PRSS35: variants seen among roughly 807,000 people sequenced by gnomAD.
PRSS35 encodes inactive serine protease 35.
In PRSS35, 7 loss-of-function variants were observed where a neutral mutation model predicts 8.1. That is an observed-to-expected ratio of 0.86 (90% confidence interval 0.49 to 1.62). The LOEUF (loss-of-function observed/expected upper bound fraction) is 1.62, where lower values mean the gene tolerates loss of function less well. PRSS35 is among the 40% of genes most tolerant of loss of function. The pLI is 0.00. For missense variants in PRSS35, 566 were observed against 518.0 expected (o/e 1.09, Z -0.90); for synonymous variants, 199 against 188.7 (o/e 1.05, Z -0.45).
At chr6:83,512,984 A>G (rs1432089974) in intron 1 of PRSS35, among the ~76,000 whole-genome samples, 3 of 152,190 alleles carry the variant, frequency 2.0e-5, no homozygotes, top group Non-Finnish European at 2.9e-5. Flanking sequence ...ATGATTGTTA[A>G]CAGATGCCAT....
In PRSS35 at chr6:83,523,669, T is replaced by G; in HGVS notation, c.228T>G (p.Ser76=). 1 of 1,614,184 alleles carries G rather than the reference T, an allele frequency of 6.2e-7. No individual in the cohort carries two copies. Among genetic ancestry groups the G allele is most frequent in the Non-Finnish European group, 8.5e-7 (1 of 1,180,020 alleles). The change falls in exon 2 of 2, where the codon TCT becomes TCG. Residue 76 remains serine (S), a synonymous_variant. Coordinates refer to ENST00000369700, the MANE Select transcript of PRSS35 (RefSeq NM_153362.3). The part of the protein sequence containing the change: ...CQKELPTPSL[S]ELEDYLSYET... ...AAGAACTCCCAACTCCCAGCCTTTC[T>G]GAATTGGAGGATTATCTTTCCTATG...
chr6:83,520,419 C>T (rs758312625), intron 1 of PRSS35, among the ~76,000 whole-genome samples: 11 of 152,158 alleles, frequency 7.2e-5, no homozygotes, highest in Non-Finnish European at 1.2e-4. Context: ...GGGGCAGGCC[C>T]TGAGAATTAG....
intron 1 of PRSS35, among the ~76,000 whole-genome samples, chr6:83,522,171 C>T (rs1251951869): frequency 6.6e-6 from 1 of 152,126 alleles, no homozygotes; most frequent in Admixed American, 6.5e-5. Flanking sequence ...TAGGGATAAG[C>T]GAATGCTGCA....
chr6:83,524,517 A>G lies in PRSS35; in HGVS notation c.1076A>G (p.Lys359Arg), dbSNP rs1173544925. The change falls in exon 2 of 2, where the codon AAA becomes AGA. Residue 359 changes from lysine (K) to arginine (R), a missense_variant. Lys to Arg is a conservative substitution (Grantham distance 26). Coordinates refer to ENST00000369700, the MANE Select transcript of PRSS35 (RefSeq NM_153362.3). The part of the protein sequence containing the change: ...GVYLRLKDPD[K>R]KNWKRKIIAV... ...TATCTGCGTCTGAAAGATCCAGACA[A>G]AAAGAATTGGAAGCGCAAAATCATT... is the stretch of plus-strand genomic sequence containing the variant. The G allele has an allele frequency of 6.2e-7, 1 of 1,614,198 alleles. No homozygotes were observed. Among genetic ancestry groups the G allele is most frequent in the Non-Finnish European group, 8.5e-7 (1 of 1,180,040 alleles).
In PRSS35 at chr6:83,523,718, C is replaced by A. The variant is rs182508722; in HGVS notation, c.277C>A (p.Arg93=). The A allele has an allele frequency of 9.2e-5, 148 of 1,614,082 alleles. No individual in the cohort carries two copies. Among genetic ancestry groups the A allele is most frequent in the Non-Finnish European group, 3.6e-5 (43 of 1,180,026 alleles). ...SYETVFENGT[R]TLTRVKVQDL... Reference sequence around the variant, plus strand: ...TGAGACTGTCTTTGAGAATGGCACCCGAACCTTAACCAGGGTGAAAGTTCA... The same window carrying A: ...TGAGACTGTCTTTGAGAATGGCACCAGAACCTTAACCAGGGTGAAAGTTCA... Residue 93 remains arginine (R), a synonymous_variant, in exon 2 of 2, where the codon CGA becomes AGA. Coordinates refer to ENST00000369700, the MANE Select transcript of PRSS35 (RefSeq NM_153362.3).
chr6:83,513,729 C>A (rs1583456380), intron 1 of PRSS35, among the ~76,000 whole-genome samples: 1 of 151,954 alleles, frequency 6.6e-6, no homozygotes, highest in Admixed American at 6.6e-5. Flanking sequence ...CCCCATTTTT[C>A]TTCCAGATAG....
intron 1 of PRSS35, among the ~76,000 whole-genome samples, chr6:83,518,831 C>T (rs768806330): frequency 1.3e-5 from 2 of 152,116 alleles, no homozygotes; most frequent in African/African-American, 2.4e-5. Flanking sequence ...TAATTCTTTG[C>T]GTGTATCATC....
At chr6:83,520,224 C>G (rs930657593) in intron 1 of PRSS35, among the ~76,000 whole-genome samples, 3 of 152,098 alleles carry the variant, frequency 2.0e-5, no homozygotes, top group African/African-American at 4.8e-5. Context: ...ATTTAAAACC[C>G]GGGTAAGCCA....
At chr6:83,518,813 C>T (rs1373023406) in intron 1 of PRSS35, among the ~76,000 whole-genome samples, 1 of 152,142 alleles carries the variant, frequency 6.6e-6, no homozygotes, top group African/African-American at 2.4e-5. Flanking sequence ...ATCCTCTGGG[C>T]TCAGTAGTAA....
chr6:83,522,898 C>T (rs2127713796), intron 1 of PRSS35, among the ~76,000 whole-genome samples: 1 of 152,314 alleles, frequency 6.6e-6, no homozygotes, highest in Non-Finnish European at 1.5e-5. Context: ...GGTTCATGGA[C>T]ATTCACTGTA....
intron 1 of PRSS35, among the ~76,000 whole-genome samples, chr6:83,518,113 TAGAC>T (rs1771756382): frequency 6.6e-6 from 1 of 152,218 alleles, no homozygotes; most frequent in Non-Finnish European, 1.5e-5. Flanking sequence ...TGCTTTCTCA[TAGAC>T]AGGAAAAATA....
At chr6:83,522,437 G>A (rs567678967) in intron 1 of PRSS35, among the ~76,000 whole-genome samples, 2 of 152,266 alleles carry the variant, frequency 1.3e-5, no homozygotes, top group Admixed American at 6.5e-5. Flanking sequence ...AATAGTAGGA[G>A]AGGTATTATA....
chr6:83,518,695 T>A (rs1771767371), intron 1 of PRSS35, among the ~76,000 whole-genome samples: 1 of 152,206 alleles, frequency 6.6e-6, no homozygotes. Flanking sequence ...TTTAGAAAAC[T>A]ACAAGATCTC....
rs745341301 is a variant in PRSS35 at position 83,524,406 on chromosome 6, A to G, written c.965A>G (p.Tyr322Cys). 2.3e-5 allele frequency: 37 copies of G among 1,614,062 alleles called. No homozygotes were observed. Among genetic ancestry groups the G allele is most frequent in the South Asian group, 3.3e-5 (3 of 91,082 alleles). Reference protein sequence around the residue: ...FDNDRADQLVYRFCSVSDESN... With the variant: ...FDNDRADQLVCRFCSVSDESN... ...AACGATAGGGCTGATCAGTTGGTCT[A>G]TCGGTTTTGCAGTGTGTCCGACGAA... The change falls in exon 2 of 2, where the codon TAT (tyrosine) becomes TGT (cysteine). Residue 322 changes from tyrosine (Y) to cysteine (C), a missense_variant. Physicochemically the swap from Tyr to Cys is radical, Grantham distance 194. Transcript: ENST00000369700.
chr6:83,523,806 G>A lies in PRSS35; in HGVS notation c.365G>A (p.Arg122Lys), dbSNP rs1771870782. 6.2e-7 allele frequency: 1 copy of A among 1,614,216 alleles called. No individual in the cohort carries two copies. The highest frequency in any genetic ancestry group is 8.5e-7 in the Non-Finnish European group (1 of 1,180,048). ...AAGGGAGTATCTGTTAGGAGAAAGA[G>A]ACAGGTGTATGGCACCGACAGCAGG... is the stretch of plus-strand genomic sequence containing the variant. Reference protein sequence around the residue: ...TTKGVSVRRKRQVYGTDSRFS... With the variant: ...TTKGVSVRRKKQVYGTDSRFS... The change falls in exon 2 of 2, where the codon AGA becomes AAA. Residue 122 changes from arginine (R) to lysine (K), a missense_variant. Transcript: ENST00000369700.
In PRSS35 at chr6:83,523,770, A is replaced by T; in HGVS notation, c.329A>T (p.Asn110Ile). 6.2e-7 allele frequency: 1 copy of T among 1,614,196 alleles called. No homozygotes were observed. The highest frequency in any genetic ancestry group is 8.5e-7 in the Non-Finnish European group (1 of 1,180,036). Residue 110 changes from asparagine (N) to isoleucine (I), a missense_variant, in exon 2 of 2, where the codon AAT becomes ATT. Transcript: ENST00000369700. ...GATTTGGTTCTTGAGCCGACTCAAAATATCACCACAAAGGGAGTATCTGTT... is the reference window on the plus strand; with the variant it reads ...GATTTGGTTCTTGAGCCGACTCAAATTATCACCACAAAGGGAGTATCTGTT... ...VQDLVLEPTQNITTKGVSVRR... is the reference protein window; with the variant it reads ...VQDLVLEPTQIITTKGVSVRR...
At chr6:83,514,406 AAG>A (rs907198640) in intron 1 of PRSS35, among the ~76,000 whole-genome samples, 1 of 152,198 alleles carries the variant, frequency 6.6e-6, no homozygotes, top group African/African-American at 2.4e-5. Context: ...TGAGAAACAG[AAG>A]TTGTGGGTTA....
At chr6:83,520,423 G>A (rs1449492618) in intron 1 of PRSS35, among the ~76,000 whole-genome samples, 1 of 152,150 alleles carries the variant, frequency 6.6e-6, no homozygotes, top group East Asian at 1.9e-4. Flanking sequence ...CAGGCCCTGA[G>A]AATTAGCATT....
rs992724872 is a variant in PRSS35, at chr6:83,523,478, C to G, written c.37C>G (p.Pro13Ala). The change falls in exon 2 of 2, where the codon CCT becomes GCT. Residue 13 changes from proline (P) to alanine (A), a missense_variant. Physicochemically the swap from Pro to Ala is conservative, Grantham distance 27. Transcript: ENST00000369700. Reference sequence around the variant, plus strand: ...GCTGCTTTGGTTGATATTTTTCACCCCTGGGTGGACCCTCATTGATGGATC... The same window carrying G: ...GCTGCTTTGGTTGATATTTTTCACCGCTGGGTGGACCCTCATTGATGGATC... ...NMLLWLIFFTPGWTLIDGSEM... is the reference protein window; with the variant it reads ...NMLLWLIFFTAGWTLIDGSEM... 2 of 1,614,042 alleles carry G rather than the reference C, an allele frequency of 1.2e-6. No individual in the cohort carries two copies. Among genetic ancestry groups the G allele is most frequent in the Non-Finnish European group, 1.7e-6 (2 of 1,179,980 alleles).
Sources: gnomAD v4.1 joint callset for allele counts (sites outside exome capture counted in the v4.1 genomes callset) on GRCh38, gnomAD v4.1.1 for gene constraint, MANE v1.5 for transcripts, NCBI Gene and HGNC (gene_info 2026-07-23, HGNC 2026-07-21) for gene names.